Variants in FARS2 observed in about 807,000 individuals in gnomAD.
The protein encoded by FARS2 is phenylalanine--tRNA ligase, mitochondrial.
FARS2 carries 40 observed loss-of-function variants against 46.4 expected under a neutral mutation model. The observed-to-expected ratio is 0.86, with a 90% CI of 0.67 to 1.12. The LOEUF (loss-of-function observed/expected upper bound fraction) is 1.12, where lower values mean the gene tolerates loss of function less well. FARS2 is among the 50% of genes most tolerant of loss of function. FARS2 has a pLI of 0.00. For synonymous variants in FARS2, 234 were observed against 214.9 expected (o/e 1.09, Z -0.78); for missense variants, 513 against 567.9 (o/e 0.90, Z 0.98).
chr6:5,277,786 T>A (rs1026444066), intron 1 of FARS2, among the ~76,000 whole-genome samples: 2 of 152,224 alleles, frequency 1.3e-5, no homozygotes, highest in East Asian at 1.9e-4. Context: ...TTGGCTTTTT[T>A]TCCTTGCTCA....
intron 4 of FARS2, among the ~76,000 whole-genome samples, chr6:5,525,221 A>G (rs1036017692): frequency 6.2e-5 from 8 of 129,856 alleles, no homozygotes; most frequent in Admixed American, 2.5e-4. Flanking sequence ...GTTATTTTCT[A>G]TGTTGATAGA....
At chr6:5,541,391 G>A (rs911226496) in intron 4 of FARS2, among the ~76,000 whole-genome samples, 18 of 152,082 alleles carry the variant, frequency 1.2e-4, no homozygotes, top group African/African-American at 4.3e-4. Flanking sequence ...GAGTTTTGAA[G>A]GATATATACA....
chr6:5,737,018 C>CT (rs1760995506), intron 6 of FARS2, among the ~76,000 whole-genome samples: 1 of 152,212 alleles, frequency 6.6e-6, no homozygotes. Flanking sequence ...TAAATTTACT[C>CT]TACTTTCCCT....
intron 3 of FARS2, among the ~76,000 whole-genome samples, chr6:5,418,123 C>T (rs955443285): frequency 3.9e-5 from 6 of 152,052 alleles, no homozygotes; most frequent in African/African-American, 7.2e-5. Context: ...TTGAACATAA[C>T]GAATATATAA....
At chr6:5,693,323 T>A (rs1255884847) in intron 6 of FARS2, among the ~76,000 whole-genome samples, 1 of 152,220 alleles carries the variant, frequency 6.6e-6, no homozygotes, top group Non-Finnish European at 1.5e-5. Context: ...CCTCACCAGA[T>A]CTGCCCCCTC....
At chr6:5,685,468 A>G (rs73718360) in intron 6 of FARS2, among the ~76,000 whole-genome samples, 1,975 of 152,216 alleles carry the variant, frequency 0.013, 49 homozygotes, top group African/African-American at 0.045. Context: ...GCAAGTCACT[A>G]TTGCACCAGG....
At chr6:5,435,497 C>G (rs958483988) in intron 4 of FARS2, among the ~76,000 whole-genome samples, 10 of 152,194 alleles carry the variant, frequency 6.6e-5, no homozygotes, top group Admixed American at 3.3e-4. Context: ...TTTCTTCTTC[C>G]TTAAGTCGTA....
intron 2 of FARS2, among the ~76,000 whole-genome samples, chr6:5,376,107 T>C (rs1759359564): frequency 6.6e-6 from 1 of 152,170 alleles, no homozygotes. Context: ...TCCTGAGACT[T>C]TCTTTTACAT....
At chr6:5,313,753 G>A (rs1386012146) in intron 1 of FARS2, among the ~76,000 whole-genome samples, 2 of 152,054 alleles carry the variant, frequency 1.3e-5, no homozygotes, top group African/African-American at 4.8e-5. Flanking sequence ...GGTCATAGGT[G>A]AGCCTAGCTA....
At chr6:5,310,009 A>G (rs2127546409) in intron 1 of FARS2, among the ~76,000 whole-genome samples, 1 of 152,340 alleles carries the variant, frequency 6.6e-6, no homozygotes, top group South Asian at 2.1e-4. Flanking sequence ...CTTGCTACAG[A>G]AAAAGAAAAA....
chr6:5,730,852 G>T (rs1489422300), intron 6 of FARS2, among the ~76,000 whole-genome samples: 1 of 152,146 alleles, frequency 6.6e-6, no homozygotes, highest in Non-Finnish European at 1.5e-5. Context: ...GCTTTATACG[G>T]ATTAACTCCG....
chr6:5,613,720 T>A (rs1775313236), intron 6 of FARS2, among the ~76,000 whole-genome samples: 1 of 152,216 alleles, frequency 6.6e-6, no homozygotes, highest in South Asian at 2.1e-4. Flanking sequence ...CACGCCAAGA[T>A]CTATATTACG....
At chr6:5,637,956 C>G (rs777789681) in intron 6 of FARS2, among the ~76,000 whole-genome samples, 4 of 152,134 alleles carry the variant, frequency 2.6e-5, no homozygotes, top group Admixed American at 2.0e-4. Context: ...CTGCAACATA[C>G]GAATTTTGGG....
rs77608839 is a variant in FARS2, at chr6:5,740,922, C to A, written c.1218-30369C>A. Among the ~76,000 whole-genome samples the A allele has an allele frequency of 7.2e-5, 11 of 152,272 alleles. No homozygotes were observed. The South Asian group carries it at 2.3e-3, about 32-fold the overall frequency. On this transcript the variant is annotated intron_variant, in intron 6 of 6. Transcript: ENST00000274680. Reference sequence around the variant, plus strand: ...CATGGCCTGTTCTCCTTACCAGGAGCCTTATTGAGGCAGAATATGCATGAC... The same window carrying A: ...CATGGCCTGTTCTCCTTACCAGGAGACTTATTGAGGCAGAATATGCATGAC...
intron 5 of FARS2, among the ~76,000 whole-genome samples, chr6:5,576,625 A>C (rs950760353): frequency 8.7e-4 from 52 of 59,914 alleles, no homozygotes; most frequent in African/African-American, 3.0e-3. Context: ...AGTATATATC[A>C]TATATTAACA....
At chr6:5,430,813 G>T (rs901204494) in intron 3 of FARS2, among the ~76,000 whole-genome samples, 1 of 152,096 alleles carries the variant, frequency 6.6e-6, no homozygotes, top group African/African-American at 2.4e-5. Context: ...GGTTGCAGAG[G>T]GTCCTGGAAT....
chr6:5,645,343 C>G (rs1308347488), intron 6 of FARS2, among the ~76,000 whole-genome samples: 1 of 152,148 alleles, frequency 6.6e-6, no homozygotes, highest in Non-Finnish European at 1.5e-5. Context: ...TAGATTTATT[C>G]AATTAGAGTC....
At chr6:5,283,390 A>AG (rs1283485764) in intron 1 of FARS2, among the ~76,000 whole-genome samples, 1 of 151,130 alleles carries the variant, frequency 6.6e-6, no homozygotes, top group East Asian at 1.9e-4. Context: ...AAAAAAAAAA[A>AG]AAAAACAAAT....
chr6:5,310,564 T>G (rs6912661), intron 1 of FARS2, among the ~76,000 whole-genome samples: 30,360 of 151,998 alleles, frequency 0.2, 3,487 homozygotes, highest in East Asian at 0.48. Flanking sequence ...ATACATTTTT[T>G]TGTGTGTGTG....
Sources: gnomAD v4.1 joint callset for allele counts (sites outside exome capture counted in the v4.1 genomes callset) on GRCh38, gnomAD v4.1.1 for gene constraint, MANE v1.5 for transcripts, NCBI Gene and HGNC (gene_info 2026-07-23, HGNC 2026-07-21) for gene names.